Variants in DOCK5 observed in about 807,000 individuals in gnomAD.
The protein encoded by DOCK5 is dedicator of cytokinesis protein 5.
Under a neutral mutation model 251.8 loss-of-function variants are expected in DOCK5, and 142 were observed. That is an observed-to-expected ratio of 0.56 (90% CI 0.49 to 0.65). DOCK5 has a LOEUF of 0.65. Ranked by LOEUF, DOCK5 falls within the 30% of genes least tolerant of loss-of-function variation. The pLI is 0.00. For missense variants in DOCK5, 2,111 were observed against 2,312.3 expected (o/e 0.91, Z 1.79); for synonymous variants, 842 against 835.5 (o/e 1.01, Z -0.13).
chr8:25,331,775 T>A, intron 18 of DOCK5, among the ~76,000 whole-genome samples: 1 of 143,608 alleles, frequency 7.0e-6, no homozygotes, highest in Admixed American at 7.2e-5. Flanking sequence ...TTGAAATAAA[T>A]TAATGCATAT....
At chr8:25,406,921 T>C (rs965991153) in intron 48 of DOCK5, among the ~76,000 whole-genome samples, 5 of 152,302 alleles carry the variant, frequency 3.3e-5, no homozygotes, top group Non-Finnish European at 5.9e-5. Context: ...CCACCGTGCC[T>C]GGCTGTGTAA....
At chr8:25,392,566 T>G (rs1176331736) in intron 43 of DOCK5, among the ~76,000 whole-genome samples, 1 of 152,126 alleles carries the variant, frequency 6.6e-6, no homozygotes, top group Non-Finnish European at 1.5e-5. Context: ...GACCTCACAT[T>G]TCCCTCTGTA....
chr8:25,410,939 A>AATGTGTG (rs1554513012), intron 51 of DOCK5, among the ~76,000 whole-genome samples: 19 of 102,130 alleles, frequency 1.9e-4, no homozygotes, highest in Admixed American at 6.3e-4. Context: ...GAGAGAGAAA[A>AATGTGTG]TGTGTGTGTG....
chr8:25,215,506 T>A (rs1483873762), intron 1 of DOCK5, among the ~76,000 whole-genome samples: 1 of 152,172 alleles, frequency 6.6e-6, no homozygotes, highest in East Asian at 1.9e-4. Flanking sequence ...TGGTGCAACT[T>A]GTCCACTATG....
intron 40 of DOCK5, among the ~76,000 whole-genome samples, chr8:25,383,753 G>C (rs377455635): frequency 1.3e-5 from 2 of 152,114 alleles, no homozygotes; most frequent in African/African-American, 4.8e-5. Flanking sequence ...TACTCAGGAG[G>C]CTGAGGCAGG....
intron 4 of DOCK5, among the ~76,000 whole-genome samples, chr8:25,278,173 T>C (rs1215306336): frequency 1.3e-5 from 2 of 152,102 alleles, no homozygotes; most frequent in Non-Finnish European, 2.9e-5. Context: ...CCCAGGACAC[T>C]CGTGCCACAC....
chr8:25,363,058 G>T lies in DOCK5; in HGVS notation c.2961G>T (p.Met987Ile). The change falls in exon 29 of 52, where the codon ATG (methionine) becomes ATT (isoleucine). Residue 987 changes from methionine to isoleucine, a missense_variant. Met to Ile is a conservative substitution (Grantham distance 10, BLOSUM62 1). Transcript: ENST00000276440. ...TCTGTTCTCCGCAGGACTTCCTCAT[G>T]GAAACTTTTATCATGTTCAAGGACC... ...KTRQDIIDFL[M>I]ETFIMFKDLI... 6.2e-7 allele frequency: 1 copy of T among 1,613,836 alleles called. No individual in the cohort carries two copies. Among genetic ancestry groups the T allele is most frequent in the Non-Finnish European group, 8.5e-7 (1 of 1,179,796 alleles).
At chr8:25,262,548 A>G (rs1194540143) in intron 2 of DOCK5, among the ~76,000 whole-genome samples, 1 of 152,166 alleles carries the variant, frequency 6.6e-6, no homozygotes, top group Non-Finnish European at 1.5e-5. Flanking sequence ...TTAAAATGTT[A>G]TCAGTCATAT....
intron 21 of DOCK5, 23 bp from the exon 22 acceptor site, chr8:25,336,216 T>G: frequency 6.3e-7 from 1 of 1,599,952 alleles, no homozygotes; most frequent in Non-Finnish European, 8.6e-7. Context: ...ATTGGCTTAA[T>G]TTTTCTTTCT....
At chr8:25,252,228 GTCA>G (rs775404386) in intron 2 of DOCK5, among the ~76,000 whole-genome samples, 51 of 152,026 alleles carry the variant, frequency 3.4e-4, no homozygotes, top group Non-Finnish European at 7.2e-4. Context: ...TCTCTACTTG[GTCA>G]TCCATGCACA....
At chr8:25,361,754 C>T (rs748750611) in intron 28 of DOCK5, among the ~76,000 whole-genome samples, 1 of 152,148 alleles carries the variant, frequency 6.6e-6, no homozygotes, top group Non-Finnish European at 1.5e-5. Context: ...TGCACACACA[C>T]ACTGGCCGGC....
chr8:25,376,471 T>G (rs1214695238), intron 37 of DOCK5: 1 of 656,636 alleles, frequency 1.5e-6, no homozygotes, highest in Non-Finnish European at 1.9e-6. Flanking sequence ...AGTACCATAC[T>G]GTATTAATTA....
chr8:25,382,578 G>T (rs1452899037), intron 39 of DOCK5, 96 bp from the exon 40 acceptor site: 1 of 959,826 alleles, frequency 1.0e-6, no homozygotes, highest in Non-Finnish European at 1.6e-6. Context: ...CATTGCTCTG[G>T]GTTACGTGGG....
chr8:25,304,424 A>C (rs1168805078), intron 11 of DOCK5, 97 bp downstream of exon 11: 1 of 1,026,320 alleles, frequency 9.7e-7, no homozygotes, highest in East Asian at 2.8e-5. Context: ...CCATTTTCTC[A>C]GAGAAGGAAA....
chr8:25,373,587 G>A (rs775178454), intron 35 of DOCK5, 31 bp from the exon 36 acceptor site: 4 of 1,557,108 alleles, frequency 2.6e-6, no homozygotes, highest in Non-Finnish European at 3.5e-6. Flanking sequence ...GATTTATGTT[G>A]GGATTCTGTG....
chr8:25,269,702 C>T (rs138337022), intron 3 of DOCK5, among the ~76,000 whole-genome samples: 6 of 152,194 alleles, frequency 3.9e-5, no homozygotes, highest in Non-Finnish European at 8.8e-5. Flanking sequence ...TGATACTGCT[C>T]GCTGGGGCAG....
chr8:25,287,499 A>C (rs1024069717), intron 5 of DOCK5, among the ~76,000 whole-genome samples: 1 of 152,182 alleles, frequency 6.6e-6, no homozygotes, highest in Non-Finnish European at 1.5e-5. Flanking sequence ...CTCCAAGTAG[A>C]AGAGGGAGAA....
chr8:25,254,205 C>CA (rs932570035), intron 2 of DOCK5, among the ~76,000 whole-genome samples: 86 of 152,262 alleles, frequency 5.6e-4, no homozygotes, highest in African/African-American at 2.1e-3. Context: ...ATAATTTAGA[C>CA]ACAGACCTTT....
chr8:25,198,821 G>A (rs1292990458), intron 1 of DOCK5, among the ~76,000 whole-genome samples: 2 of 152,150 alleles, frequency 1.3e-5, no homozygotes, highest in Non-Finnish European at 2.9e-5. Context: ...TACAACTCTG[G>A]AGAGGGGTTT....
Sources: allele counts gnomAD v4.1 joint callset (sites outside exome capture counted in the v4.1 genomes callset), GRCh38; gene constraint gnomAD v4.1.1; transcripts MANE v1.5; gene names NCBI Gene and HGNC (gene_info 2026-07-23, HGNC 2026-07-21).